ZC3H11A: variants seen among roughly 807,000 people sequenced by gnomAD.
ZC3H11A encodes zinc finger CCCH domain-containing protein 11A.
A neutral mutation model predicts 90.8 loss-of-function variants in ZC3H11A; 22 were observed. The observed-to-expected ratio is 0.24, with a 90% CI of 0.17 to 0.35. The LOEUF is 0.35. Among genes scored for constraint, ZC3H11A ranks in the 10% least tolerant of loss-of-function variants. The pLI, the probability that ZC3H11A is intolerant of heterozygous loss-of-function variation, is 1.00. For synonymous variants in ZC3H11A, 294 were observed against 339.8 expected, an observed-to-expected ratio of 0.87 and a Z score of 1.48; for missense variants, 701 against 964.9, an observed-to-expected ratio of 0.73 and a Z score of 3.62.
At chr1:203,825,542 C>G (rs893226387) in intron 4 of ZC3H11A, among the ~76,000 whole-genome samples, 1 of 148,534 alleles carries the variant, frequency 6.7e-6, no homozygotes, top group African/African-American at 2.5e-5. Flanking sequence ...TCAAGTGATT[C>G]TCCTGTCTCA....
In ZC3H11A at chr1:203,851,122, C is replaced by T. The variant is rs764985665; in HGVS notation, c.2172C>T (p.Asp724=). Residue 724 remains aspartate (D), a splice_region_variant and synonymous_variant, in exon 17 of 18, where the codon GAC becomes GAT. Transcript: ENST00000367210. ...TGCCTGAAGCAGAAAATCCTAGAGACAGGTAATACTTTGTAATTCTTTCTA... is the reference window on the plus strand; with the variant it reads ...TGCCTGAAGCAGAAAATCCTAGAGATAGGTAATACTTTGTAATTCTTTCTA... ...VTVPEAENPR[D]SLVLPPTQSS... is the part of the protein sequence containing the mutation. 1.2e-6 allele frequency: 2 copies of T among 1,614,098 alleles called. No homozygotes were observed. Among genetic ancestry groups the T allele is most frequent in the Non-Finnish European group, 1.7e-6 (2 of 1,179,978 alleles).
chr1:203,848,266 A>G, intron 13 of ZC3H11A, 65 bp from the exon 14 acceptor site: 1 of 1,359,340 alleles, frequency 7.4e-7, no homozygotes, highest in Admixed American at 2.0e-5. Flanking sequence ...AGTTTTGTTT[A>G]ACATATCTAT....
At chr1:203,828,250 A>G (rs774763016) in intron 4 of ZC3H11A, 49 bp from the exon 5 acceptor site, 4 of 1,609,980 alleles carry the variant, frequency 2.5e-6, no homozygotes, top group Admixed American at 3.3e-5. Context: ...CCACATGAAT[A>G]TACGTATCAC....
chr1:203,817,596 TTG>T (rs1676785808), intron 3 of ZC3H11A, among the ~76,000 whole-genome samples: 1 of 152,106 alleles, frequency 6.6e-6, no homozygotes, highest in Non-Finnish European at 1.5e-5. Flanking sequence ...AAATATGCTT[TTG>T]CAGTTTTTTG....
chr1:203,828,513 A>G, intron 5 of ZC3H11A, 91 bp downstream of exon 5: 14 of 1,444,448 alleles, frequency 9.7e-6, no homozygotes, highest in Admixed American at 2.2e-5. Flanking sequence ...GACTCCTTTC[A>G]GTCTTGTGAA....
rs1332497523 is a variant in ZC3H11A at position 203,818,611 on chromosome 1, A to G, written c.96A>G (p.Gly32=). 2.2e-5 allele frequency: 35 copies of G among 1,614,046 alleles called. No homozygotes were observed. Among genetic ancestry groups the G allele is most frequent in the Non-Finnish European group, 2.7e-5 (32 of 1,180,028 alleles). ...CPFRHCEAAI[G]NETVCTLWQE... Reference sequence around the variant, plus strand: ...TCCGTCACTGTGAAGCTGCAATAGGAAATGAAACTGTTTGCACATTATGGC... The same window carrying G: ...TCCGTCACTGTGAAGCTGCAATAGGGAATGAAACTGTTTGCACATTATGGC... The change falls in exon 4 of 18, where the codon GGA becomes GGG. Residue 32 remains glycine, a synonymous_variant. Coordinates refer to ENST00000367210, the MANE Select transcript of ZC3H11A (RefSeq NM_001376342.1).
chr1:203,841,768 G>T (rs2103269502), intron 12 of ZC3H11A, among the ~76,000 whole-genome samples: 1 of 151,582 alleles, frequency 6.6e-6, no homozygotes, highest in South Asian at 2.1e-4. Context: ...ACGGGGCAGT[G>T]GCCGGGTGGA....
intron 2 of ZC3H11A, among the ~76,000 whole-genome samples, chr1:203,814,477 T>A (rs1272656604): frequency 6.6e-6 from 1 of 152,002 alleles, no homozygotes; most frequent in East Asian, 1.9e-4. Context: ...TGAGCCAAGA[T>A]GGCACCATTG....
chr1:203,832,423 C>T lies in ZC3H11A; in HGVS notation c.811+652C>T, dbSNP rs1026629869. On this transcript the variant is annotated intron_variant, in intron 9 of 17. Coordinates refer to ENST00000367210, the MANE Select transcript of ZC3H11A (RefSeq NM_001376342.1). ...TCGCCCAGGCTAAAGTGCAATGGTGCGATCTCCACTCACTGCAACCTCCGC... is the reference window on the plus strand; with the variant it reads ...TCGCCCAGGCTAAAGTGCAATGGTGTGATCTCCACTCACTGCAACCTCCGC... Among the ~76,000 whole-genome samples the T allele has an allele frequency of 4.0e-5, 6 of 151,392 alleles. No homozygotes were observed. In the East Asian group the frequency reaches 7.8e-4, roughly 20 times the overall value.
At chr1:203,826,962 T>C (rs1192831162) in intron 4 of ZC3H11A, among the ~76,000 whole-genome samples, 2 of 152,194 alleles carry the variant, frequency 1.3e-5, no homozygotes, top group East Asian at 3.8e-4. Flanking sequence ...CTTCATCCCC[T>C]TGTTACTAAC....
rs1006116670 is a variant in ZC3H11A at position 203,797,629 on chromosome 1, A to G, written c.-1588+1835A>G. On this transcript the variant is annotated intron_variant, in intron 1 of 17. Transcript: ENST00000367210. Reference sequence around the variant, plus strand: ...CTGGGATGTGTTCCTATTAATTCTAATACAGATGAAGAAGATGTGGTAGAG... The same window carrying G: ...CTGGGATGTGTTCCTATTAATTCTAGTACAGATGAAGAAGATGTGGTAGAG... The G allele has an allele frequency of 2.6e-6, 4 of 1,535,958 alleles. No homozygotes were observed. The African/African-American group carries it at 4.1e-5, about 16-fold the overall frequency.
At position 203,827,598 on chromosome 1, in the gene ZC3H11A, C is replaced by T. The variant is rs184938121; in HGVS notation, c.175-701C>T. Among the ~76,000 whole-genome samples, 763 of 151,582 alleles carry T rather than the reference C, an allele frequency of 5.0e-3. 4 individuals are homozygous for T. Among genetic ancestry groups the T allele is most frequent in the African/African-American group, 0.016 (660 of 41,302 alleles). The stretch of plus-strand genomic sequence containing the variant: ...TCTGGAGGCTGAGGCAGGAGAATGG[C>T]GTGAACCCGGGAGGCGGAGCTTGCA... On this transcript the variant is annotated intron_variant, in intron 4 of 17. Coordinates refer to ENST00000367210, the MANE Select transcript of ZC3H11A (RefSeq NM_001376342.1).
chr1:203,826,231 TTTTATTTTTAC>T (rs1323624817), intron 4 of ZC3H11A, among the ~76,000 whole-genome samples: 2 of 152,168 alleles, frequency 1.3e-5, no homozygotes, highest in Non-Finnish European at 2.9e-5. Context: ...TTTGCTGTAC[TTTTATTTTTAC>T]TTTATTTTTA....
chr1:203,829,754 A>G, intron 6 of ZC3H11A, 26 bp from the exon 7 acceptor site: 1 of 1,612,920 alleles, frequency 6.2e-7, no homozygotes, highest in African/African-American at 1.3e-5. Flanking sequence ...TTTAATTGTG[A>G]ATTTGCCTTA....
chr1:203,806,576 T>A (rs1002887897), intron 2 of ZC3H11A, among the ~76,000 whole-genome samples: 13 of 152,194 alleles, frequency 8.5e-5, no homozygotes, highest in Non-Finnish European at 1.5e-4. Flanking sequence ...GTGCTGGGAT[T>A]ATAGGCATGA....
intron 1 of ZC3H11A, chr1:203,798,092 T>C (rs570077096): frequency 6.5e-7 from 1 of 1,536,126 alleles, no homozygotes; most frequent in African/African-American, 1.4e-5. Context: ...CCAACAAGTT[T>C]GGAGTTGCTA....
At chr1:203,815,216 C>CTTTTTTTTTTTTTTTTTTTTTTT in intron 2 of ZC3H11A, among the ~76,000 whole-genome samples, 1 of 97,154 alleles carries the variant, frequency 1.0e-5, no homozygotes, top group Non-Finnish European at 1.9e-5. Context: ...CTTTTCTTTT[C>CTTTTTTTTTTTTTTTTTTTTTTT]TTTTTTTTTT....
At position 203,845,816 on chromosome 1, in the gene ZC3H11A, AT is replaced by A. The variant is rs199751083; in HGVS notation, c.1043-1367del. 1.1e-3 allele frequency among the ~76,000 whole-genome samples: 161 copies of A among 152,262 alleles called. 4 individuals carry two copies. In the East Asian group the frequency reaches 0.026, roughly 25 times the overall value. On this transcript the variant is annotated intron_variant, in intron 12 of 17. Coordinates refer to ENST00000367210, the MANE Select transcript of ZC3H11A (RefSeq NM_001376342.1). Reference sequence around the variant, plus strand: ...GAGATGTAGGTTGCGGTGAGTCAAGATGACACCACTGCACACTCCAGCCTGG... The same window carrying A: ...GAGATGTAGGTTGCGGTGAGTCAAGAGACACCACTGCACACTCCAGCCTGG...
intron 2 of ZC3H11A, among the ~76,000 whole-genome samples, chr1:203,805,073 C>G (rs1017598218): frequency 2.6e-5 from 4 of 151,452 alleles, no homozygotes; most frequent in Non-Finnish European, 5.9e-5. Flanking sequence ...AAGAAATATT[C>G]ATTATTGATT....
Sources: allele counts gnomAD v4.1 joint callset (sites outside exome capture counted in the v4.1 genomes callset), GRCh38; gene constraint gnomAD v4.1.1; transcripts MANE v1.5; gene names NCBI Gene and HGNC (gene_info 2026-07-23, HGNC 2026-07-21).